GPC6: variants seen among roughly 807,000 people sequenced by gnomAD.
GPC6 encodes glypican 6.
In GPC6, 14 loss-of-function variants were observed where a neutral mutation model predicts 55.2. That is an observed-to-expected ratio of 0.25 (90% CI 0.17 to 0.40). The LOEUF is 0.40. Ranked by LOEUF, GPC6 falls within the 10% of genes least tolerant of loss-of-function variation. GPC6 has a pLI of 1.00. For synonymous variants in GPC6, 278 were observed against 259.6 expected, an observed-to-expected ratio of 1.07 and a Z score of -0.68; for missense variants, 641 against 708.5, an observed-to-expected ratio of 0.90 and a Z score of 1.08.
At chr13:93,611,992 A>T (rs1268847431) in intron 2 of GPC6, among the ~76,000 whole-genome samples, 4 of 152,184 alleles carry the variant, frequency 2.6e-5, no homozygotes, top group African/African-American at 9.7e-5. Context: ...CAGAGTAGCT[A>T]CAAACATAAT....
At chr13:94,251,306 TG>T (rs1891340077) in intron 4 of GPC6, among the ~76,000 whole-genome samples, 1 of 116,600 alleles carries the variant, frequency 8.6e-6, no homozygotes, top group Non-Finnish European at 1.8e-5. Flanking sequence ...AGGCAGGGGG[TG>T]GGGGGCAAAG....
At chr13:93,990,350 T>C (rs1881240649) in intron 3 of GPC6, among the ~76,000 whole-genome samples, 1 of 152,130 alleles carries the variant, frequency 6.6e-6, no homozygotes, top group African/African-American at 2.4e-5. Flanking sequence ...AAAGTGCTGT[T>C]TTTTGATGAA....
chr13:94,151,072 T>C (rs1887722556), intron 4 of GPC6, among the ~76,000 whole-genome samples: 1 of 151,980 alleles, frequency 6.6e-6, no homozygotes, highest in Non-Finnish European at 1.5e-5. Flanking sequence ...CCTGGCCTTA[T>C]GGATGGAGCC....
At chr13:94,126,546 G>A (rs1886822076) in intron 4 of GPC6, among the ~76,000 whole-genome samples, 1 of 152,126 alleles carries the variant, frequency 6.6e-6, no homozygotes, top group African/African-American at 2.4e-5. Flanking sequence ...TTTTCAAAGA[G>A]TTGAGGTTCT....
intron 4 of GPC6, among the ~76,000 whole-genome samples, chr13:94,262,784 G>C (rs1891693882): frequency 6.6e-6 from 1 of 151,972 alleles, no homozygotes; most frequent in African/African-American, 2.4e-5. Context: ...ATCTAGGGAA[G>C]AAATTGTTGC....
chr13:93,250,999 C>T (rs186320642), intron 1 of GPC6, among the ~76,000 whole-genome samples: 31 of 152,036 alleles, frequency 2.0e-4, no homozygotes, highest in Non-Finnish European at 4.3e-4. Flanking sequence ...GAGAGCCAAG[C>T]GAAAGGGGTT....
intron 1 of GPC6, among the ~76,000 whole-genome samples, chr13:93,382,809 G>T (rs1320839545): frequency 1.3e-5 from 2 of 152,086 alleles, no homozygotes; most frequent in Non-Finnish European, 2.9e-5. Context: ...AATCTTTGGG[G>T]TTATCTCATT....
intron 3 of GPC6, among the ~76,000 whole-genome samples, chr13:93,935,409 C>A (rs1056453357): frequency 1.3e-5 from 2 of 152,090 alleles, no homozygotes; most frequent in African/African-American, 4.8e-5. Flanking sequence ...CCTTCAGCTC[C>A]ATCAGTGTTG....
chr13:93,601,091 A>C (rs527753103), intron 2 of GPC6, among the ~76,000 whole-genome samples: 20 of 152,038 alleles, frequency 1.3e-4, no homozygotes, highest in Admixed American at 2.6e-4. Flanking sequence ...ACAGGAGCTT[A>C]AAAGAATTAA....
intron 4 of GPC6, among the ~76,000 whole-genome samples, chr13:94,066,979 C>T (rs1884538363): frequency 6.6e-6 from 1 of 152,128 alleles, no homozygotes; most frequent in Admixed American, 6.6e-5. Context: ...GTTGGTGCAT[C>T]TTTGCGATCA....
intron 4 of GPC6, among the ~76,000 whole-genome samples, chr13:94,240,313 A>G (rs1402025340): frequency 1.3e-5 from 2 of 152,088 alleles, no homozygotes; most frequent in Non-Finnish European, 2.9e-5. Flanking sequence ...CCTCAGAATC[A>G]AACACACAGT....
intron 6 of GPC6, among the ~76,000 whole-genome samples, chr13:94,377,088 A>G (rs1879901917): frequency 6.6e-6 from 1 of 150,736 alleles, no homozygotes; most frequent in African/African-American, 2.4e-5. Context: ...ACCTAAAACC[A>G]TAAAAACCCT....
intron 3 of GPC6, among the ~76,000 whole-genome samples, chr13:93,946,856 A>G (rs772394618): frequency 6.6e-6 from 1 of 152,122 alleles, no homozygotes; most frequent in Non-Finnish European, 1.5e-5. Context: ...GTGTTTCTAA[A>G]ACTCTCATCT....
intron 3 of GPC6, among the ~76,000 whole-genome samples, chr13:93,894,493 C>CA (rs200657458): frequency 5.4e-5 from 8 of 148,642 alleles, no homozygotes; most frequent in Admixed American, 2.7e-4. Context: ...CATTGCAAAC[C>CA]AAAAAAAAAT....
intron 4 of GPC6, among the ~76,000 whole-genome samples, chr13:94,277,264 G>A (rs191564837): frequency 1.3e-4 from 16 of 126,982 alleles, no homozygotes; most frequent in Admixed American, 3.8e-4. Flanking sequence ...ATCCTTTGCC[G>A]ACTTTTTGAT....
chr13:93,594,904 T>C (rs1459342542), intron 2 of GPC6, among the ~76,000 whole-genome samples: 1 of 151,778 alleles, frequency 6.6e-6, no homozygotes, highest in Non-Finnish European at 1.5e-5. Context: ...GGCCTAATCA[T>C]CTTCCAAAAT....
At chr13:94,174,867 T>C (rs754786002) in intron 4 of GPC6, among the ~76,000 whole-genome samples, 23 of 152,124 alleles carry the variant, frequency 1.5e-4, no homozygotes, top group Non-Finnish European at 2.6e-4. Flanking sequence ...TTAATTTACC[T>C]ATAAAAAAGT....
At chr13:93,296,417 A>G (rs1274391902) in intron 1 of GPC6, among the ~76,000 whole-genome samples, 1 of 152,172 alleles carries the variant, frequency 6.6e-6, no homozygotes, top group Non-Finnish European at 1.5e-5. Flanking sequence ...AATGTCCTAC[A>G]TAGGTGCCTG....
At chr13:93,346,033 A>G (rs1160238486) in intron 1 of GPC6, among the ~76,000 whole-genome samples, 1 of 152,188 alleles carries the variant, frequency 6.6e-6, no homozygotes, top group Non-Finnish European at 1.5e-5. Flanking sequence ...AAGCTGCTGG[A>G]CTACTTGATT....
Sources: allele counts gnomAD v4.1 joint callset (sites outside exome capture counted in the v4.1 genomes callset), GRCh38; gene constraint gnomAD v4.1.1; transcripts MANE v1.5; gene names NCBI Gene and HGNC (gene_info 2026-07-23, HGNC 2026-07-21).